GRID2: variants seen among roughly 807,000 people sequenced by gnomAD.
GRID2 encodes glutamate receptor ionotropic, delta-2.
A neutral mutation model predicts 114.8 loss-of-function variants in GRID2; 33 were observed. The observed-to-expected ratio is 0.29, with a 90% CI of 0.22 to 0.38. The LOEUF (loss-of-function observed/expected upper bound fraction) is 0.38. GRID2 is among the 10% of genes least tolerant of loss of function. The pLI, the probability that GRID2 is intolerant of heterozygous loss-of-function variation, is 1.00. For missense variants in GRID2, 1,184 were observed against 1,257.7 expected (o/e 0.94, Z 0.89); for synonymous variants, 505 against 449.9 (o/e 1.12, Z -1.55).
At chr4:92,852,445 A>C (rs1743887668) in intron 2 of GRID2, among the ~76,000 whole-genome samples, 1 of 151,910 alleles carries the variant, frequency 6.6e-6, no homozygotes, top group Admixed American at 6.6e-5. Flanking sequence ...TAAAATAAAC[A>C]ACTCCACGCT....
intron 1 of GRID2, among the ~76,000 whole-genome samples, chr4:92,489,332 A>G (rs1579454525): frequency 6.6e-6 from 1 of 152,338 alleles, no homozygotes; most frequent in East Asian, 1.9e-4. Flanking sequence ...AAATCAAAAT[A>G]CATCAAAATT....
chr4:93,231,438 A>G (rs891020739), intron 7 of GRID2, among the ~76,000 whole-genome samples: 1 of 151,748 alleles, frequency 6.6e-6, no homozygotes, highest in African/African-American at 2.4e-5. Flanking sequence ...AATATTGACT[A>G]ACTATACAAA....
At chr4:92,861,210 C>T (rs1030206432) in intron 2 of GRID2, among the ~76,000 whole-genome samples, 5 of 151,960 alleles carry the variant, frequency 3.3e-5, no homozygotes, top group African/African-American at 1.2e-4. Flanking sequence ...AAAGAATAAC[C>T]ATTTATCAGC....
chr4:92,537,263 G>A (rs920503606), intron 1 of GRID2, among the ~76,000 whole-genome samples: 1 of 152,086 alleles, frequency 6.6e-6, no homozygotes, highest in Non-Finnish European at 1.5e-5. Context: ...TATAATTTAA[G>A]TAATTTATAT....
At chr4:92,386,023 G>A (rs1560600274) in intron 1 of GRID2, among the ~76,000 whole-genome samples, 1 of 150,894 alleles carries the variant, frequency 6.6e-6, no homozygotes, top group African/African-American at 2.4e-5. Flanking sequence ...ATAATGAAAG[G>A]ATTGCTTTGT....
At chr4:92,726,455 A>AC (rs1420218953) in intron 2 of GRID2, among the ~76,000 whole-genome samples, 1 of 152,100 alleles carries the variant, frequency 6.6e-6, no homozygotes, top group African/African-American at 2.4e-5. Context: ...TATGTGGTGC[A>AC]CCACTATACA....
chr4:93,731,017 G>A (rs1386197544), intron 14 of GRID2, among the ~76,000 whole-genome samples: 3 of 152,204 alleles, frequency 2.0e-5, no homozygotes, highest in Admixed American at 6.5e-5. Context: ...CAAAGCTTTC[G>A]TCACTGACTA....
At chr4:92,888,831 A>C (rs2149466621) in intron 2 of GRID2, among the ~76,000 whole-genome samples, 1 of 151,710 alleles carries the variant, frequency 6.6e-6, no homozygotes, top group African/African-American at 2.4e-5. Context: ...TTTTAATGCA[A>C]ATAAAGCGGA....
At chr4:92,698,282 G>T (rs1734514415) in intron 2 of GRID2, among the ~76,000 whole-genome samples, 1 of 152,128 alleles carries the variant, frequency 6.6e-6, no homozygotes, top group Non-Finnish European at 1.5e-5. Context: ...CATTTTCACA[G>T]AAATGGTAAA....
intron 8 of GRID2, among the ~76,000 whole-genome samples, chr4:93,298,831 G>A (rs994042297): frequency 2.0e-5 from 3 of 152,278 alleles, no homozygotes; most frequent in Middle Eastern, 6.8e-3. Context: ...TTTGATTTAT[G>A]TTTATCTAAG....
intron 1 of GRID2, among the ~76,000 whole-genome samples, chr4:92,416,824 C>T (rs1429104071): frequency 1.3e-5 from 2 of 151,794 alleles, no homozygotes; most frequent in Non-Finnish European, 2.9e-5. Flanking sequence ...TATAGTTTGA[C>T]GTTGGGTAAT....
chr4:92,924,518 CCTAA>C (rs1205857284), intron 2 of GRID2, among the ~76,000 whole-genome samples: 37 of 152,226 alleles, frequency 2.4e-4, no homozygotes, highest in African/African-American at 6.7e-4. Flanking sequence ...GAAGAAACAG[CCTAA>C]CTTTTTAGAT....
At chr4:93,589,995 T>G (rs1284014193) in intron 13 of GRID2, among the ~76,000 whole-genome samples, 4 of 150,660 alleles carry the variant, frequency 2.7e-5, no homozygotes, top group African/African-American at 9.7e-5. Flanking sequence ...TTCTCCCATT[T>G]TGTAGGTTGC....
intron 3 of GRID2, among the ~76,000 whole-genome samples, chr4:93,100,690 C>G (rs943515211): frequency 7.9e-5 from 12 of 151,838 alleles, no homozygotes; most frequent in African/African-American, 9.7e-5. Context: ...AGTACTGAAG[C>G]CTTTTTCTAC....
intron 2 of GRID2, among the ~76,000 whole-genome samples, chr4:92,975,081 CG>C (rs535699953): frequency 7.2e-6 from 1 of 139,616 alleles, no homozygotes; most frequent in South Asian, 2.3e-4. Context: ...GGCGTGAACC[CG>C]GGGTGTGGAG....
intron 2 of GRID2, among the ~76,000 whole-genome samples, chr4:92,867,914 A>G (rs149460332): frequency 2.3e-3 from 350 of 152,290 alleles, no homozygotes; most frequent in African/African-American, 7.0e-3. Flanking sequence ...GTGATTCCCA[A>G]ATCCAGGTTA....
chr4:93,506,450 A>G (rs547077892), intron 12 of GRID2, among the ~76,000 whole-genome samples: 9 of 152,270 alleles, frequency 5.9e-5, no homozygotes, highest in African/African-American at 2.2e-4. Context: ...CTATTTAAAC[A>G]GTTCTAAAAA....
chr4:92,330,662 T>C (rs1368256614), intron 1 of GRID2, among the ~76,000 whole-genome samples: 1 of 152,066 alleles, frequency 6.6e-6, no homozygotes, highest in Non-Finnish European at 1.5e-5. Context: ...TAATATAATA[T>C]AAACTTAAGT....
intron 12 of GRID2, among the ~76,000 whole-genome samples, chr4:93,514,813 C>T (rs552652493): frequency 6.6e-6 from 1 of 152,176 alleles, no homozygotes; most frequent in South Asian, 2.1e-4. Flanking sequence ...ATAAGCCTTG[C>T]TACGTAAAGG....
Sources: allele counts gnomAD v4.1 joint callset (sites outside exome capture counted in the v4.1 genomes callset), GRCh38; gene constraint gnomAD v4.1.1; transcripts MANE v1.5; gene names NCBI Gene and HGNC (gene_info 2026-07-23, HGNC 2026-07-21).